Variants in PIEZO2 observed in about 807,000 individuals in gnomAD.
The protein encoded by PIEZO2 is piezo-type mechanosensitive ion channel component 2.
In PIEZO2, 172 loss-of-function variants were observed where a neutral mutation model predicts 337.3. The ratio of observed to expected loss-of-function variants is 0.51; its 90% CI spans 0.45 to 0.58. The LOEUF is 0.58. Among genes scored for constraint, PIEZO2 ranks in the 20% least tolerant of loss-of-function variants. The probability of loss-of-function intolerance (pLI) is 0.00; values close to 1 mark genes in which losing one functional copy is unlikely to be tolerated. For missense variants in PIEZO2, 3,028 were observed against 3,391.3 expected, an observed-to-expected ratio of 0.89 and a Z score of 2.66; for synonymous variants, 1,251 against 1,228.5, an observed-to-expected ratio of 1.02 and a Z score of -0.38.
chr18:10,865,836 T>C (rs2041991116), intron 5 of PIEZO2, among the ~76,000 whole-genome samples: 1 of 152,112 alleles, frequency 6.6e-6, no homozygotes, highest in Non-Finnish European at 1.5e-5. Flanking sequence ...TCTGGTTCCT[T>C]TCATCTCAGG....
chr18:10,976,128 T>C (rs1300372515), intron 3 of PIEZO2, among the ~76,000 whole-genome samples: 1 of 152,226 alleles, frequency 6.6e-6, no homozygotes, highest in Non-Finnish European at 1.5e-5. Flanking sequence ...TTACCCACAC[T>C]AACAGTATTT....
Position 10,870,695 on chromosome 18 carries a change from G to A in PIEZO2, c.492+558C>T, listed in dbSNP as rs1026387203. ...CAACCAGCTAGCAAACATACATCTCGTTCATTATTTTTACCTTTTTAAAAT... is the reference window on the plus strand; with the variant it reads ...CAACCAGCTAGCAAACATACATCTCATTCATTATTTTTACCTTTTTAAAAT... On this transcript the variant is annotated intron_variant, in intron 5 of 55. Coordinates refer to ENST00000674853, the MANE Select transcript of PIEZO2 (RefSeq NM_001378183.1). This position sits in a 1 kb window ranked among gnomAD's most constrained non-coding sequence, Gnocchi z 5.3. Among the ~76,000 whole-genome samples the A allele has an allele frequency of 3.9e-5, 6 of 152,052 alleles. No homozygotes were observed. Among genetic ancestry groups the A allele is most frequent in the Non-Finnish European group, 5.9e-5 (4 of 68,016 alleles).
chr18:10,872,594 G>A lies in PIEZO2; in HGVS notation c.330-1179C>T, dbSNP rs569946363. ...TCAGCACACGACACGGGCCAGCCATGTCCCTCATCCGGTGCTAGATGCCTG... is the reference window on the plus strand; with the variant it reads ...TCAGCACACGACACGGGCCAGCCATATCCCTCATCCGGTGCTAGATGCCTG... On this transcript the variant is annotated intron_variant, in intron 4 of 55. Transcript: ENST00000674853. This position sits in a 1 kb window ranked among gnomAD's most constrained non-coding sequence, Gnocchi z 4.3. Among the ~76,000 whole-genome samples, 2 of 152,322 alleles carry A rather than the reference G, an allele frequency of 1.3e-5. No homozygotes were observed. The highest frequency in any genetic ancestry group is 2.1e-4 in the South Asian group (1 of 4,830).
chr18:11,050,437 G>A (rs191744046), intron 2 of PIEZO2, among the ~76,000 whole-genome samples: 122 of 151,874 alleles, frequency 8.0e-4, no homozygotes, highest in African/African-American at 2.8e-3. Context: ...ATGGGGCATC[G>A]TTTTTCTTTT....
rs1408760398 is a variant in PIEZO2 at position 11,097,462 on chromosome 18, G to C, written c.65-31240C>G. On this transcript the variant is annotated intron_variant, in intron 1 of 55. Transcript: ENST00000674853. The surrounding 1 kb of genome is among the most constrained non-coding windows in gnomAD (Gnocchi z 5.0). ...TGCTGGTCACAGATGTAGAAGGATT[G>C]AGTCCAGAGTTTACTACAGAGAAAG... 6.6e-6 allele frequency among the ~76,000 whole-genome samples: 1 copy of C among 152,224 alleles called. No individual in the cohort carries two copies. The highest frequency in any genetic ancestry group is 1.5e-5 in the Non-Finnish European group (1 of 68,040).
Position 11,077,551 on chromosome 18 carries a change from T to G in PIEZO2, c.65-11329A>C, listed in dbSNP as rs2038588528. 6.6e-6 allele frequency among the ~76,000 whole-genome samples: 1 copy of G among 152,124 alleles called. No homozygotes were observed. The highest frequency in any genetic ancestry group is 6.5e-5 in the Admixed American group (1 of 15,272). On this transcript the variant is annotated intron_variant, in intron 1 of 55. Coordinates refer to ENST00000674853, the MANE Select transcript of PIEZO2 (RefSeq NM_001378183.1). This position sits in a 1 kb window ranked among gnomAD's most constrained non-coding sequence, Gnocchi z 4.8. ...TGGGCATGGTGGTGCATGCCTATAG[T>G]CCCAGCTACTCTACATGGGAGACTG... is the stretch of plus-strand genomic sequence containing the variant.
At chr18:11,103,739 C>T (rs1001408245) in intron 1 of PIEZO2, among the ~76,000 whole-genome samples, 28 of 152,016 alleles carry the variant, frequency 1.8e-4, no homozygotes, top group African/African-American at 6.5e-4. Flanking sequence ...TAAGTTTCAA[C>T]AAACTTTAAA....
chr18:10,742,110 T>G (rs959791920), intron 32 of PIEZO2, among the ~76,000 whole-genome samples: 18 of 151,946 alleles, frequency 1.2e-4, no homozygotes, highest in African/African-American at 1.7e-4. Context: ...AGCCGAGATC[T>G]CGCCACTGCA....
chr18:10,749,031 GAA>G (rs2037539162), intron 29 of PIEZO2, among the ~76,000 whole-genome samples: 1 of 152,036 alleles, frequency 6.6e-6, no homozygotes, highest in African/African-American at 2.4e-5. Context: ...GTAACCAGCA[GAA>G]TAATGAGCAC....
intron 4 of PIEZO2, among the ~76,000 whole-genome samples, chr18:10,886,487 C>CATATAT: frequency 6.5e-5 from 3 of 45,882 alleles, no homozygotes; most frequent in East Asian, 6.2e-4. Context: ...ATATCCAAAC[C>CATATAT]ATATATATAT....
In PIEZO2 at chr18:10,795,119, G is replaced by A; in HGVS notation, c.1528-117C>T. The A allele has an allele frequency of 3.3e-6, 3 of 897,344 alleles. No homozygotes were observed. The highest frequency in any genetic ancestry group is 5.0e-6 in the Non-Finnish European group (3 of 597,952). 55.6% of individuals were successfully genotyped at this position (897,344 alleles called of 1,614,324 possible). ...GGTCATAATATTCAAACCAGGGAGAGTAGAGAGTTGTGGTGGAGTGATGGA... is the reference window on the plus strand; with the variant it reads ...GGTCATAATATTCAAACCAGGGAGAATAGAGAGTTGTGGTGGAGTGATGGA... On this transcript the variant is annotated intron_variant, in intron 12 of 55. Coordinates refer to ENST00000674853, the MANE Select transcript of PIEZO2 (RefSeq NM_001378183.1). The surrounding 1 kb of genome is among the most constrained non-coding windows in gnomAD (Gnocchi z 4.4).
intron 2 of PIEZO2, among the ~76,000 whole-genome samples, chr18:11,020,121 AT>A (rs1382706002): frequency 6.6e-6 from 1 of 152,196 alleles, no homozygotes; most frequent in African/African-American, 2.4e-5. Context: ...CTGGGGAGCG[AT>A]TTTTAAAAAA....
intron 1 of PIEZO2, among the ~76,000 whole-genome samples, chr18:11,142,908 C>T (rs970156571): frequency 6.6e-6 from 1 of 151,934 alleles, no homozygotes; most frequent in Non-Finnish European, 1.5e-5. Context: ...GAAACCCCGT[C>T]GCTACTAAAA....
chr18:11,090,912 T>TAA (rs61020782), intron 1 of PIEZO2, among the ~76,000 whole-genome samples: 3 of 123,690 alleles, frequency 2.4e-5, no homozygotes, highest in Admixed American at 1.6e-4. Context: ...AGACTCCGTC[T>TAA]AAAAAAAAAA....
intron 7 of PIEZO2, among the ~76,000 whole-genome samples, chr18:10,851,155 CT>C (rs10592305): frequency 0.092 from 11,733 of 127,798 alleles, 730 homozygotes; most frequent in African/African-American, 0.21. Flanking sequence ...TTTCTTTTAT[CT>C]TTTTTTTTTT....
chr18:11,051,138 G>T (rs2037510741), intron 2 of PIEZO2, among the ~76,000 whole-genome samples: 1 of 152,136 alleles, frequency 6.6e-6, no homozygotes, highest in African/African-American at 2.4e-5. Flanking sequence ...CCCAATGGAA[G>T]AGACTTCAGA....
At position 10,689,822 on chromosome 18, in the gene PIEZO2, G is replaced by A. The variant is rs367658271; in HGVS notation, c.7350-20C>T. The A allele has an allele frequency of 3.8e-6, 6 of 1,588,942 alleles. No homozygotes were observed. The African/African-American group carries it at 4.0e-5, about 11-fold the overall frequency. On this transcript the variant is annotated intron_variant, in intron 48 of 55. Transcript: ENST00000674853. ...CGAAACCTGGCAGGAAACACATCTC[G>A]TCAGAGAGACATTCGTGGGTGGCCC...
chr18:10,855,665 G>A lies in PIEZO2; in HGVS notation c.704-99C>T, dbSNP rs891396002. The A allele has an allele frequency of 1.0e-4, 97 of 969,950 alleles. No individual in the cohort carries two copies. Among genetic ancestry groups the A allele is most frequent in the Non-Finnish European group, 1.3e-4 (91 of 678,570 alleles). The allele number at this position is 969,950 out of a possible 1,614,324, so 60.1% of individuals were successfully genotyped here. A position where few individuals can be genotyped will look rare whatever the true frequency, so the allele number is the denominator to read the frequency against. ...TTGAAATTATGTGAATTTCCTTCAA[G>A]TGTTTTTAGGTTTTTTAAAATAGTA... On this transcript the variant is annotated intron_variant, in intron 6 of 55. Coordinates refer to ENST00000674853, the MANE Select transcript of PIEZO2 (RefSeq NM_001378183.1). The surrounding 1 kb of genome is among the most constrained non-coding windows in gnomAD (Gnocchi z 4.9).
At chr18:10,858,649 G>A (rs16975498) in intron 5 of PIEZO2, among the ~76,000 whole-genome samples, 2,722 of 152,242 alleles carry the variant, frequency 0.018, 87 homozygotes, top group African/African-American at 0.063. Context: ...AAGTTCACGG[G>A]AGGAAGGCAG....
Sources: allele counts gnomAD v4.1 joint callset (sites outside exome capture counted in the v4.1 genomes callset), GRCh38; gene constraint gnomAD v4.1.1; non-coding constraint Gnocchi (gnomAD v3.1); transcripts MANE v1.5; gene names NCBI Gene and HGNC (gene_info 2026-07-23, HGNC 2026-07-21).